The following RASGRP4 variants were observed in gnomAD, a reference collection of about 807,000 sequenced individuals.
The protein encoded by RASGRP4 is RAS guanyl releasing protein 4, also known as RAS guanyl-releasing protein 4.
A neutral mutation model predicts 84.4 loss-of-function variants in RASGRP4; 52 were observed. That is an observed-to-expected ratio of 0.62 (90% CI 0.49 to 0.78). The LOEUF is 0.78. RASGRP4 is among the 30% of genes least tolerant of loss of function. The pLI is 0.00. For synonymous variants in RASGRP4, 356 were observed against 359.1 expected (o/e 0.99, Z 0.10); for missense variants, 760 against 886.9 (o/e 0.86, Z 1.82).
intron 16 of RASGRP4, among the ~76,000 whole-genome samples, chr19:38,410,623 G>C (rs1321086018): frequency 6.6e-6 from 1 of 151,954 alleles, no homozygotes; most frequent in Non-Finnish European, 1.5e-5. Context: ...ACGTTGGCCA[G>C]GCTGATCTCG....
chr19:38,422,514 C>T (rs1971803603), intron 1 of RASGRP4, among the ~76,000 whole-genome samples: 1 of 152,212 alleles, frequency 6.6e-6, no homozygotes, highest in Non-Finnish European at 1.5e-5. Context: ...TGAGCTCCAC[C>T]TCCTGTCAGA....
rs1173112281 is a variant in RASGRP4 at position 38,420,073 on chromosome 19, G to A, written c.509+58C>T. ...TCACAGTTGAGGGCTTGGGGATATA[G>A]AGGGAGATGGCAGAATGGCGATGGG... On this transcript the variant is annotated intron_variant, in intron 5 of 16. Transcript: ENST00000615439. The A allele has an allele frequency of 3.1e-6, 5 of 1,608,544 alleles. No individual in the cohort carries two copies. The South Asian group carries it at 5.5e-5, about 18-fold the overall frequency.
At chr19:38,410,806 T>C in intron 16 of RASGRP4, 80 bp downstream of exon 16, 2 of 1,030,204 alleles carry the variant, frequency 1.9e-6, no homozygotes, top group South Asian at 1.4e-5. Context: ...TCTATGGGTC[T>C]CCAAATCTGT....
Position 38,419,851 on chromosome 19 carries a change from G to T in RASGRP4, c.663+9C>A, listed in dbSNP as rs774861150. On this transcript the variant is annotated intron_variant, in intron 6 of 16. Transcript: ENST00000615439. The stretch of plus-strand genomic sequence containing the variant: ...CCTGCTTGGGACGGGGATGGGAGGG[G>T]GTCCTCACCGTGATAGCCTGGAAGG... The T allele has an allele frequency of 9.5e-6, 15 of 1,580,732 alleles. No individual in the cohort carries two copies. The highest frequency in any genetic ancestry group is 1.8e-5 in the Admixed American group (1 of 54,560).
Position 38,411,283 on chromosome 19 carries a change from G to A in RASGRP4, c.1718-34C>T, listed in dbSNP as rs151032079. The A allele has an allele frequency of 7.9e-4, 1,281 of 1,613,384 alleles. 5 individuals are homozygous for A. The African/African-American group carries it at 0.014, about 17-fold the overall frequency. On this transcript the variant is annotated intron_variant, in intron 14 of 16. Coordinates refer to ENST00000615439, the MANE Select transcript of RASGRP4 (RefSeq NM_170604.3). ...AGGCAGCGGCAGGGGTCCGATCTGT[G>A]TCATCCATTCTTCCAGCCTGCGGGC... is the stretch of plus-strand genomic sequence containing the variant.
In RASGRP4 at chr19:38,412,436, T is replaced by G; in HGVS notation, c.1680+236A>C. 1 of 526,096 alleles carries G rather than the reference T, an allele frequency of 1.9e-6. No homozygotes were observed. The highest frequency in any genetic ancestry group is 3.5e-5 in the Admixed American group (1 of 28,368). The allele number at this position is 526,096 out of a possible 1,614,324, so 32.6% of individuals were successfully genotyped here. On this transcript the variant is annotated intron_variant, in intron 13 of 16. Coordinates refer to ENST00000615439, the MANE Select transcript of RASGRP4 (RefSeq NM_170604.3). The surrounding 1 kb of genome is among the most constrained non-coding windows in gnomAD (Gnocchi z 4.6). ...CACTCCTGGCCTCCTATCTAGAGTT[T>G]TAGGTATTATCCATGGTTCAGCAAT...
rs1971293683 is a variant in RASGRP4, at chr19:38,412,258, C to T, written c.1680+414G>A. 1.3e-5 allele frequency among the ~76,000 whole-genome samples: 2 copies of T among 152,048 alleles called. No individual in the cohort carries two copies. The highest frequency in any genetic ancestry group is 2.9e-5 in the Non-Finnish European group (2 of 68,008). ...TCAGCCTCCTGAGTAGCTGGGATCA[C>T]AGGTATGCACCACCACATGCAGCTA... On this transcript the variant is annotated intron_variant, in intron 13 of 16. Transcript: ENST00000615439. This position sits in a 1 kb window ranked among gnomAD's most constrained non-coding sequence, Gnocchi z 4.6.
In RASGRP4 at chr19:38,420,987, G is replaced by A. The variant is rs965973138; in HGVS notation, c.315-17C>T. ...TTCTGGTATTTGAGTTCTGGTCAAG[G>A]CTCTGTTTTCCAGGATCCATGACCT... On this transcript the variant is annotated splice_polypyrimidine_tract_variant and intron_variant, in intron 3 of 16. Coordinates refer to ENST00000615439, the MANE Select transcript of RASGRP4 (RefSeq NM_170604.3). The A allele has an allele frequency of 3.7e-6, 6 of 1,613,658 alleles. No homozygotes were observed. The highest frequency in any genetic ancestry group is 1.3e-5 in the African/African-American group (1 of 74,892).
At chr19:38,425,430 C>T (rs2145253563) in intron 1 of RASGRP4, among the ~76,000 whole-genome samples, 1 of 152,288 alleles carries the variant, frequency 6.6e-6, no homozygotes. Context: ...GGAAATTAGG[C>T]AGCCAGGAGT....
At position 38,413,013 on chromosome 19, in the gene RASGRP4, T is replaced by C. The variant is rs367590774; in HGVS notation, c.1453A>G (p.Thr485Ala). 8 of 1,614,006 alleles carry C rather than the reference T, an allele frequency of 5.0e-6. No homozygotes were observed. Among genetic ancestry groups the C allele is most frequent in the Non-Finnish European group, 6.8e-6 (8 of 1,179,876 alleles). ...CGCTCAAAGTCCTCCTGAGAGATTG[T>C]TCCTCGGCCTTCAGGGTCATAATTC... ...FKNYDPEGRG[T>A]ISQEDFERLS... The change falls in exon 12 of 17, where the codon ACA becomes GCA. Residue 485 changes from threonine to alanine, a missense_variant. Thr to Ala is a moderately conservative substitution (Grantham distance 58). Coordinates refer to ENST00000615439, the MANE Select transcript of RASGRP4 (RefSeq NM_170604.3). The surrounding 1 kb of genome is among the most constrained non-coding windows in gnomAD (Gnocchi z 4.7).
chr19:38,415,573 A>G (rs1971466824), intron 8 of RASGRP4, among the ~76,000 whole-genome samples: 1 of 151,556 alleles, frequency 6.6e-6, no homozygotes, highest in Non-Finnish European at 1.5e-5. Flanking sequence ...GGGTTTTACC[A>G]TGTTGGCCAG....
chr19:38,419,463 C>T (rs111252243), intron 6 of RASGRP4, among the ~76,000 whole-genome samples: 11,261 of 152,192 alleles, frequency 0.074, 463 homozygotes, highest in Middle Eastern at 0.11. Flanking sequence ...GACAGAATCT[C>T]GCTCTGTCGC....
chr19:38,425,736 C>G lies in RASGRP4; in HGVS notation c.23+333G>C, dbSNP rs550728517. ...TCTCCTGGGCCAGGCCCTGCAGGAG[C>G]CTGGAGTTTCCAGTCCACGGGGATG... On this transcript the variant is annotated intron_variant, in intron 1 of 16. Coordinates refer to ENST00000615439, the MANE Select transcript of RASGRP4 (RefSeq NM_170604.3). Among the ~76,000 whole-genome samples the G allele has an allele frequency of 1.6e-3, 243 of 152,276 alleles. 2 individuals carry two copies. The highest frequency in any genetic ancestry group is 6.8e-3 in the Middle Eastern group (2 of 294).
In RASGRP4 at chr19:38,421,085, T is replaced by C. The variant is rs1971726454; in HGVS notation, c.314+10A>G. 1 of 1,612,484 alleles carries C rather than the reference T, an allele frequency of 6.2e-7. No individual in the cohort carries two copies. The highest frequency in any genetic ancestry group is 1.3e-5 in the African/African-American group (1 of 74,884). ...GCCCTCCACCCATAGCTCACAGTCC[T>C]GGAGGATATGAGGTCAGCAGGCGGG... is the stretch of plus-strand genomic sequence containing the variant. On this transcript the variant is annotated intron_variant, in intron 3 of 16. Transcript: ENST00000615439.
intron 1 of RASGRP4, 146 bp from the exon 2 acceptor site, chr19:38,422,299 C>CTA: frequency 1.5e-6 from 1 of 673,722 alleles, no homozygotes; most frequent in Non-Finnish European, 2.4e-6. Flanking sequence ...ACCAGGGACT[C>CTA]TAGAGAGAAT....
chr19:38,409,103 G>A lies in RASGRP4; in HGVS notation c.*937C>T. On this transcript the variant is annotated 3_prime_UTR_variant, in exon 17 of 17. Transcript: ENST00000615439. ...TATGACAGCTGTAGGACCTCTCTCT[G>A]TGGGGGCCAAGTCAGGGGTGTTGGG... 2.3e-6 allele frequency: 1 copy of A among 429,246 alleles called. No individual in the cohort carries two copies. The highest frequency in any genetic ancestry group is 4.0e-6 in the Non-Finnish European group (1 of 250,666). The allele number at this position is 429,246 out of a possible 1,614,324, so 26.6% of individuals were successfully genotyped here.
At position 38,419,907 on chromosome 19, in the gene RASGRP4, C is replaced by A; in HGVS notation, c.616G>T (p.Ala206Ser). Residue 206 changes from alanine to serine, a missense_variant, in exon 6 of 17, where the codon GCT (alanine) becomes TCT (serine). Coordinates refer to ENST00000615439, the MANE Select transcript of RASGRP4 (RefSeq NM_170604.3). ...AACTCCAGGTAGGTGAGGTGCTGAG[C>A]CAGCTCCCCCGTCTCCAAGTGGTCG... ...LFDHLETGEL[A>S]QHLTYLEFRS... 1 of 1,610,750 alleles carries A rather than the reference C, an allele frequency of 6.2e-7. No homozygotes were observed. The highest frequency in any genetic ancestry group is 8.5e-7 in the Non-Finnish European group (1 of 1,178,552).
intron 6 of RASGRP4, among the ~76,000 whole-genome samples, chr19:38,419,201 C>T (rs563440509): frequency 3.5e-4 from 53 of 152,248 alleles, no homozygotes; most frequent in African/African-American, 1.2e-3. Flanking sequence ...GCACATGAAA[C>T]TGATCCTTGG....
At position 38,413,478 on chromosome 19, in the gene RASGRP4, G is replaced by C; in HGVS notation, c.1231-4C>G. On this transcript the variant is annotated splice_polypyrimidine_tract_variant and splice_region_variant and intron_variant, in intron 9 of 16. Coordinates refer to ENST00000615439, the MANE Select transcript of RASGRP4 (RefSeq NM_170604.3). The surrounding 1 kb of genome is among the most constrained non-coding windows in gnomAD (Gnocchi z 4.7). The stretch of plus-strand genomic sequence containing the variant: ...TGTAGAAGAGGTCCAGGGAGAGCTG[G>C]AGCAGACAGGGGTGTTACGGATCCT... 1 of 1,589,818 alleles carries C rather than the reference G, an allele frequency of 6.3e-7. No individual in the cohort carries two copies. Among genetic ancestry groups the C allele is most frequent in the Non-Finnish European group, 8.6e-7 (1 of 1,167,900 alleles).
Sources: gnomAD v4.1 joint callset for allele counts (sites outside exome capture counted in the v4.1 genomes callset) on GRCh38, gnomAD v4.1.1 for gene constraint, Gnocchi (gnomAD v3.1) non-coding constraint, MANE v1.5 for transcripts, NCBI Gene and HGNC (gene_info 2026-07-23, HGNC 2026-07-21) for gene names.